The following NSFL1C variants were observed in gnomAD, a reference collection of about 807,000 sequenced individuals.
NSFL1C encodes the protein NSFL1 cofactor, also known as NSFL1 cofactor p47.
NSFL1C carries 14 observed loss-of-function variants against 43.1 expected under a neutral mutation model. The observed-to-expected ratio is 0.32, with a 90% confidence interval of 0.21 to 0.51. The LOEUF is 0.51. Ranked by LOEUF, NSFL1C falls within the 20% of genes least tolerant of loss-of-function variation. The probability of loss-of-function intolerance (pLI) is 0.98; values close to 1 mark genes in which losing one functional copy is unlikely to be tolerated. For synonymous variants in NSFL1C, 171 were observed against 183.5 expected (o/e 0.93, Z 0.55); for missense variants, 406 against 472.5 (o/e 0.86, Z 1.30).
At chr20:1,460,976 T>C (rs2090398358) in intron 2 of NSFL1C, among the ~76,000 whole-genome samples, 1 of 152,114 alleles carries the variant, frequency 6.6e-6, no homozygotes. Flanking sequence ...AGAAGCAGCT[T>C]TGGACTTAGG....
intron 5 of NSFL1C, 57 bp from the exon 6 acceptor site, chr20:1,453,197 C>T: frequency 2.0e-6 from 2 of 988,866 alleles, no homozygotes; most frequent in Non-Finnish European, 3.2e-6. Context: ...CCAATTTGAA[C>T]TTGCAAATTA....
chr20:1,451,888 G>A (rs1220029031), intron 7 of NSFL1C, among the ~76,000 whole-genome samples: 1 of 152,242 alleles, frequency 6.6e-6, no homozygotes, highest in African/African-American at 2.4e-5. Flanking sequence ...GGCAGAGTGA[G>A]TGTCAGGAAG....
rs778324759 is a variant in NSFL1C at position 1,445,771 on chromosome 20, T to C, written c.845A>G (p.Lys282Arg). 1.9e-6 allele frequency: 3 copies of C among 1,614,020 alleles called. No individual in the cohort carries two copies. The highest frequency in any genetic ancestry group is 1.7e-6 in the Non-Finnish European group (2 of 1,179,988). Reference sequence around the variant, plus strand: ...GTCGATTAAGATGGAAGAGCTGGCTTTGGCTTCATTTTCTGCCTGTTGGGC... The same window carrying C: ...GTCGATTAAGATGGAAGAGCTGGCTCTGGCTTCATTTTCTGCCTGTTGGGC... ...SPAQQAENEAKASSSILIDES... is the reference protein window; with the variant it reads ...SPAQQAENEARASSSILIDES... The change falls in exon 8 of 9, where the codon AAA (lysine) becomes AGA (arginine). Residue 282 changes from lysine (K) to arginine (R), a missense_variant. Lys to Arg is a conservative substitution (Grantham distance 26, BLOSUM62 2). Around this residue, in one of 3 missense-constraint regions of NSFL1C, gnomAD observed 196 missense variants for 228.0 expected, o/e 0.86. Coordinates refer to ENST00000216879, the MANE Select transcript of NSFL1C (RefSeq NM_016143.5).
At chr20:1,460,482 T>G (rs1226880600) in intron 2 of NSFL1C, among the ~76,000 whole-genome samples, 1 of 152,210 alleles carries the variant, frequency 6.6e-6, no homozygotes. Context: ...ATATTAGCAA[T>G]TGCACAATAC....
At chr20:1,445,869 A>T in intron 7 of NSFL1C, 39 bp from the exon 8 acceptor site, 1 of 1,604,870 alleles carries the variant, frequency 6.2e-7, no homozygotes, top group Non-Finnish European at 8.5e-7. Context: ...AAGCAGAAAC[A>T]AGGCCCCTAG....
At chr20:1,454,388 G>A in intron 4 of NSFL1C, 83 bp from the exon 5 acceptor site, 1 of 966,332 alleles carries the variant, frequency 1.0e-6, no homozygotes, top group Non-Finnish European at 1.6e-6. Flanking sequence ...ATATATCTTA[G>A]GTAAGAGGAA....
chr20:1,465,976 C>T (rs2090501449), intron 1 of NSFL1C, among the ~76,000 whole-genome samples: 1 of 152,216 alleles, frequency 6.6e-6, no homozygotes, highest in Non-Finnish European at 1.5e-5. Flanking sequence ...TATTAGTCAT[C>T]ACCGTCATCA....
At chr20:1,460,990 A>G (rs1049251145) in intron 2 of NSFL1C, among the ~76,000 whole-genome samples, 2 of 152,194 alleles carry the variant, frequency 1.3e-5, no homozygotes, top group Admixed American at 1.3e-4. Flanking sequence ...ACTTAGGCAG[A>G]CTTCGCCTTG....
At chr20:1,452,388 T>C (rs1204413475) in intron 7 of NSFL1C, 105 bp downstream of exon 7, 3 of 1,421,274 alleles carry the variant, frequency 2.1e-6, no homozygotes, top group African/African-American at 2.9e-5. Context: ...TGAAGTATTT[T>C]GTAAACAGTA....
At position 1,452,481 on chromosome 20, in the gene NSFL1C, G is replaced by C; in HGVS notation, c.785+12C>G. 1 of 1,613,822 alleles carries C rather than the reference G, an allele frequency of 6.2e-7. No individual in the cohort carries two copies. On this transcript the variant is annotated intron_variant, in intron 7 of 8. Coordinates refer to ENST00000216879, the MANE Select transcript of NSFL1C (RefSeq NM_016143.5). ...TTGACAGAGTCTGGCTCTAACCTGT[G>C]CTGCCCCTTACCTGCCCAGTTTCTG...
intron 2 of NSFL1C, chr20:1,463,284 T>C (rs553278621): frequency 1.3e-5 from 2 of 152,344 alleles, no homozygotes; most frequent in South Asian, 4.1e-4. Context: ...CAAAGACTCA[T>C]ACCCCAGAAA....
intron 2 of NSFL1C, chr20:1,464,101 G>A: frequency 6.4e-6 from 3 of 467,330 alleles, no homozygotes; most frequent in East Asian, 3.3e-5. Context: ...CTTAAAAGTA[G>A]GTTTGTGGTT....
intron 7 of NSFL1C, chr20:1,446,216 A>G (rs2064646): frequency 0.13 from 38,006 of 291,616 alleles, 3,145 homozygotes; most frequent in African/African-American, 0.23. Flanking sequence ...TTTAGCCTCA[A>G]TGGAGTGGTG....
intron 8 of NSFL1C, among the ~76,000 whole-genome samples, chr20:1,444,254 C>A (rs140515878): frequency 3.7e-4 from 57 of 152,350 alleles, no homozygotes; most frequent in African/African-American, 1.3e-3. Context: ...TGCCTGATCC[C>A]CTTTCTGTAA....
chr20:1,466,676 A>T, intron 1 of NSFL1C, 44 bp downstream of exon 1: 1 of 1,508,258 alleles, frequency 6.6e-7, no homozygotes, highest in Admixed American at 2.0e-5. Flanking sequence ...GCCCGCTCCC[A>T]GCAGTCCCCG....
At chr20:1,454,154 T>G in intron 5 of NSFL1C, 59 bp downstream of exon 5, 1 of 1,365,898 alleles carries the variant, frequency 7.3e-7, no homozygotes, top group Non-Finnish European at 1.0e-6. Flanking sequence ...AACCAATCCC[T>G]TCAGAAAAAT....
chr20:1,444,612 C>T (rs1268440152), intron 8 of NSFL1C, among the ~76,000 whole-genome samples: 1 of 152,192 alleles, frequency 6.6e-6, no homozygotes, highest in Admixed American at 6.5e-5. Context: ...TTGCCCCAAA[C>T]CCCTAAAATC....
In NSFL1C at chr20:1,452,650, G is replaced by A. The variant is rs778982119; in HGVS notation, c.648-20C>T. ...ACCTCCCTGTGGAAGAAAAGGCCAT[G>A]CTGAGGTCCACAGAGAGAAGATGGA... On this transcript the variant is annotated intron_variant, in intron 6 of 8. Transcript: ENST00000216879. The A allele has an allele frequency of 1.9e-6, 3 of 1,613,696 alleles. No homozygotes were observed. Among genetic ancestry groups the A allele is most frequent in the Non-Finnish European group, 2.5e-6 (3 of 1,179,852 alleles).
At chr20:1,466,667 C>A in intron 1 of NSFL1C, 53 bp downstream of exon 1, 1 of 1,493,480 alleles carries the variant, frequency 6.7e-7, no homozygotes. Flanking sequence ...GCACCAGGCG[C>A]CCGCTCCCAG....
Sources: allele counts gnomAD v4.1 joint callset (sites outside exome capture counted in the v4.1 genomes callset), GRCh38; gene constraint gnomAD v4.1.1; regional missense constraint gnomAD v4.1.1; transcripts MANE v1.5; gene names NCBI Gene and HGNC (gene_info 2026-07-23, HGNC 2026-07-21).